Variants in BAIAP2L1 observed in about 807,000 individuals in gnomAD.
BAIAP2L1 encodes the protein BAR/IMD domain containing adaptor protein 2 like 1.
Under a neutral mutation model 66.3 loss-of-function variants are expected in BAIAP2L1, and 35 were observed. That is an observed-to-expected ratio of 0.53 (90% CI 0.40 to 0.70). The LOEUF (loss-of-function observed/expected upper bound fraction) is 0.70, where lower values mean the gene tolerates loss of function less well. Ranked by LOEUF, BAIAP2L1 falls within the 30% of genes least tolerant of loss-of-function variation. The probability of loss-of-function intolerance (pLI) is 0.00; values close to 1 mark genes in which losing one functional copy is unlikely to be tolerated. For missense variants in BAIAP2L1, 622 were observed against 656.9 expected, an observed-to-expected ratio of 0.95 and a Z score of 0.58; for synonymous variants, 269 against 248.7, an observed-to-expected ratio of 1.08 and a Z score of -0.77.
In BAIAP2L1 at chr7:98,335,952, G is replaced by A. The variant is rs1246538284; in HGVS notation, c.215-15654C>T. Among the ~76,000 whole-genome samples the A allele has an allele frequency of 2.0e-5, 3 of 152,306 alleles. No individual in the cohort carries two copies. The East Asian group carries it at 5.8e-4, about 29-fold the overall frequency. On this transcript the variant is annotated intron_variant, in intron 3 of 13. Transcript: ENST00000005260. ...ACCAGACTGAAGGAATGATAGACAG[G>A]GGGTCTAAATCCTCCTTAAAAAGGG...
chr7:98,374,214 G>A (rs896362936), intron 1 of BAIAP2L1, among the ~76,000 whole-genome samples: 2 of 152,188 alleles, frequency 1.3e-5, no homozygotes, highest in Non-Finnish European at 2.9e-5. Flanking sequence ...CTCCCAAAGT[G>A]CTGGGATTAC....
chr7:98,292,494 C>A lies in BAIAP2L1; in HGVS notation c.*1027G>T. The A allele has an allele frequency of 1.3e-6, 1 of 798,230 alleles. No individual in the cohort carries two copies. The highest frequency in any genetic ancestry group is 2.0e-6 in the Non-Finnish European group (1 of 496,676). The allele number at this position is 798,230 out of a possible 1,614,324, so 49.4% of individuals were successfully genotyped here. On this transcript the variant is annotated 3_prime_UTR_variant, in exon 14 of 14. Transcript: ENST00000005260. The stretch of plus-strand genomic sequence containing the variant: ...GAATTTTAACCATGACTCTCCACTC[C>A]AAAATAGGTCCAGATCCTTGGCAGC...
At chr7:98,304,070 C>T (rs140186312) in intron 12 of BAIAP2L1, 126 bp downstream of exon 12, 3 of 1,022,264 alleles carry the variant, frequency 2.9e-6, no homozygotes, top group South Asian at 4.2e-5. Flanking sequence ...CCTCCTCCCT[C>T]CTCCCCGGGG....
At chr7:98,400,742 C>T in intron 1 of BAIAP2L1, 60 bp downstream of exon 1, 2 of 1,529,154 alleles carry the variant, frequency 1.3e-6, no homozygotes, top group South Asian at 1.2e-5. Flanking sequence ...GCGTAAAGTC[C>T]CCTTCTGAAC....
At chr7:98,316,867 CT>C (rs572099095) in intron 6 of BAIAP2L1, among the ~76,000 whole-genome samples, 3,824 of 145,160 alleles carry the variant, frequency 0.026, 131 homozygotes, top group African/African-American at 0.086. Flanking sequence ...AACTTCAAAA[CT>C]TTTTTTTTTT....
intron 3 of BAIAP2L1, among the ~76,000 whole-genome samples, chr7:98,322,682 C>T (rs2116910912): frequency 6.6e-6 from 1 of 152,236 alleles, no homozygotes; most frequent in East Asian, 1.9e-4. Flanking sequence ...CACTCACGTC[C>T]CACCACGTGG....
At chr7:98,323,471 C>T (rs1801301166) in intron 3 of BAIAP2L1, 1 of 152,206 alleles carries the variant, frequency 6.6e-6, no homozygotes, top group Non-Finnish European at 1.5e-5. Context: ...AGAGGAAACG[C>T]ATTCACATTT....
intron 12 of BAIAP2L1, among the ~76,000 whole-genome samples, chr7:98,301,446 C>G (rs2116823876): frequency 6.7e-6 from 1 of 149,894 alleles, no homozygotes; most frequent in East Asian, 2.0e-4. Context: ...AAAATGAAAG[C>G]CTGAAAGCCT....
chr7:98,375,795 C>T (rs1802614037), intron 1 of BAIAP2L1, among the ~76,000 whole-genome samples: 1 of 149,386 alleles, frequency 6.7e-6, no homozygotes, highest in Non-Finnish European at 1.5e-5. Context: ...AGTTAACAGT[C>T]ACACTGGTTC....
intron 1 of BAIAP2L1, among the ~76,000 whole-genome samples, chr7:98,389,606 G>A (rs755109700): frequency 1.6e-4 from 25 of 151,848 alleles, no homozygotes; most frequent in Non-Finnish European, 7.4e-5. Context: ...CGGGCATGAG[G>A]AGGCCTTATA....
intron 1 of BAIAP2L1, among the ~76,000 whole-genome samples, chr7:98,381,418 G>A (rs1802756887): frequency 6.6e-6 from 1 of 152,140 alleles, no homozygotes; most frequent in Admixed American, 6.5e-5. Flanking sequence ...AGGTGCAAAG[G>A]TCATAGCAGA....
intron 3 of BAIAP2L1, among the ~76,000 whole-genome samples, chr7:98,340,778 T>C (rs1801724667): frequency 6.7e-6 from 1 of 148,610 alleles, no homozygotes; most frequent in African/African-American, 2.5e-5. Context: ...ACTTCCACAG[T>C]ACATGCTCTT....
chr7:98,348,292 C>G (rs375545417), intron 3 of BAIAP2L1, among the ~76,000 whole-genome samples: 1 of 151,986 alleles, frequency 6.6e-6, no homozygotes, highest in Non-Finnish European at 1.5e-5. Flanking sequence ...TCTGGCCAGG[C>G]GCAGTGGCTC....
intron 8 of BAIAP2L1, 52 bp from the exon 9 acceptor site, chr7:98,310,644 T>A: frequency 1.4e-6 from 2 of 1,384,634 alleles, no homozygotes; most frequent in Non-Finnish European, 1.9e-6. Context: ...GAACCGGAAT[T>A]ACACAGATTC....
At chr7:98,344,255 G>T (rs1801821240) in intron 3 of BAIAP2L1, among the ~76,000 whole-genome samples, 1 of 152,148 alleles carries the variant, frequency 6.6e-6, no homozygotes, top group Non-Finnish European at 1.5e-5. Context: ...TGCAGTTAAG[G>T]TACATCTGGT....
Position 98,293,054 on chromosome 7 carries a change from A to G in BAIAP2L1, c.*467T>C, listed in dbSNP as rs1326714057. ...GTATTTTCATAATTTATATTGCTTA[A>G]AATTATGATTTGCATGCTAAGATGC... On this transcript the variant is annotated 3_prime_UTR_variant, in exon 14 of 14. Coordinates refer to ENST00000005260, the MANE Select transcript of BAIAP2L1 (RefSeq NM_018842.5). The G allele has an allele frequency of 1.2e-6, 1 of 857,970 alleles. No individual in the cohort carries two copies. The highest frequency in any genetic ancestry group is 1.4e-6 in the Non-Finnish European group (1 of 693,188). The allele number at this position is 857,970 out of a possible 1,614,324, so 53.1% of individuals were successfully genotyped here.
chr7:98,384,516 CACTGGGTT>C (rs1802837354), intron 1 of BAIAP2L1, among the ~76,000 whole-genome samples: 1 of 152,058 alleles, frequency 6.6e-6, no homozygotes, highest in African/African-American at 2.4e-5. Context: ...ACATCTTATG[CACTGGGTT>C]ACGTTGTTTA....
rs970322889 is a variant in BAIAP2L1 at position 98,389,312 on chromosome 7, C to T, written c.51+11490G>A. 2.6e-5 allele frequency among the ~76,000 whole-genome samples: 4 copies of T among 151,950 alleles called. No homozygotes were observed. In the South Asian group the frequency reaches 8.3e-4, roughly 32 times the overall value. On this transcript the variant is annotated intron_variant, in intron 1 of 13. Coordinates refer to ENST00000005260, the MANE Select transcript of BAIAP2L1 (RefSeq NM_018842.5). The stretch of plus-strand genomic sequence containing the variant: ...CCCCAATCTTTTCTGCACATTTGTT[C>T]GAGGCCTTATTTTTTATTTTTTTTG...
At chr7:98,343,246 A>AAC (rs1554335886) in intron 3 of BAIAP2L1, among the ~76,000 whole-genome samples, 1 of 85,574 alleles carries the variant, frequency 1.2e-5, no homozygotes, top group African/African-American at 4.7e-5. Context: ...GGAAAAAAAA[A>AAC]ATACACACAC....
Sources: gnomAD v4.1 joint callset for allele counts (sites outside exome capture counted in the v4.1 genomes callset) on GRCh38, gnomAD v4.1.1 for gene constraint, MANE v1.5 for transcripts, NCBI Gene and HGNC (gene_info 2026-07-23, HGNC 2026-07-21) for gene names.